Variants in VANGL2 observed in about 807,000 individuals in gnomAD.
VANGL2 encodes the protein VANGL planar cell polarity protein 2.
Under a neutral mutation model 50.2 loss-of-function variants are expected in VANGL2, and 14 were observed. That is an observed-to-expected ratio of 0.28 (90% CI 0.18 to 0.44). The LOEUF is 0.44. Among genes scored for constraint, VANGL2 ranks in the 20% least tolerant of loss-of-function variants. The probability of loss-of-function intolerance (pLI) is 1.00; values close to 1 mark genes in which losing one functional copy is unlikely to be tolerated. For missense variants in VANGL2, 533 were observed against 701.5 expected (o/e 0.76, Z 2.71); for synonymous variants, 295 against 297.2 (o/e 0.99, Z 0.08).
At chr1:160,420,961 G>T in intron 5 of VANGL2, 91 bp from the exon 6 acceptor site, 1 of 1,572,320 alleles carries the variant, frequency 6.4e-7, no homozygotes, top group Non-Finnish European at 8.7e-7. Flanking sequence ...GCTTCTTCTG[G>T]ACATGTCAGG....
intron 1 of VANGL2, among the ~76,000 whole-genome samples, chr1:160,411,815 A>T (rs945796572): frequency 4.9e-4 from 75 of 152,018 alleles, no homozygotes; most frequent in African/African-American, 1.7e-3. Flanking sequence ...GGGAAATGAA[A>T]TGGCATCAGT....
At position 160,428,622 on chromosome 1, in the gene VANGL2, T is replaced by G. The variant is rs1412116048; in HGVS notation, c.*3244T>G. On this transcript the variant is annotated 3_prime_UTR_variant, in exon 8 of 8. Transcript: ENST00000368061. ...GGATTTTTTTCTTAAACATAGGAAC[T>G]AAAACTGTACAAATTTTTTTTATAT... 6.6e-6 allele frequency: 1 copy of G among 152,634 alleles called. No individual in the cohort carries two copies. Among genetic ancestry groups the G allele is most frequent in the Non-Finnish European group, 1.5e-5 (1 of 68,032 alleles). The allele number at this position is 152,634 out of a possible 1,614,324, so 9.5% of individuals were successfully genotyped here.
intron 1 of VANGL2, among the ~76,000 whole-genome samples, chr1:160,415,223 C>A (rs998264624): frequency 1.3e-5 from 2 of 152,158 alleles, no homozygotes; most frequent in African/African-American, 4.8e-5. Context: ...CCTGGGGTAG[C>A]CCCTGGACAG....
chr1:160,406,446 G>A (rs1261277011), intron 1 of VANGL2, among the ~76,000 whole-genome samples: 5 of 152,172 alleles, frequency 3.3e-5, no homozygotes, highest in African/African-American at 4.8e-5. Flanking sequence ...AGCCTGGGGC[G>A]GGGCCAGCAT....
chr1:160,410,867 C>G (rs1650860399), intron 1 of VANGL2, among the ~76,000 whole-genome samples: 1 of 152,046 alleles, frequency 6.6e-6, no homozygotes, highest in Non-Finnish European at 1.5e-5. Context: ...CTCCTCTGTC[C>G]CTATTGCCCC....
chr1:160,407,070 A>G (rs1650699907), intron 1 of VANGL2, among the ~76,000 whole-genome samples: 1 of 152,188 alleles, frequency 6.6e-6, no homozygotes, highest in Non-Finnish European at 1.5e-5. Flanking sequence ...TTAGATAGGA[A>G]CAGGTGCTGA....
At chr1:160,405,001 G>C (rs1650602365) in intron 1 of VANGL2, among the ~76,000 whole-genome samples, 1 of 152,144 alleles carries the variant, frequency 6.6e-6, no homozygotes, top group African/African-American at 2.4e-5. Context: ...GGTAGAGTTG[G>C]AGGTATTAGG....
chr1:160,406,547 TC>T (rs1422528945), intron 1 of VANGL2, among the ~76,000 whole-genome samples: 2 of 152,114 alleles, frequency 1.3e-5, no homozygotes, highest in Non-Finnish European at 2.9e-5. Flanking sequence ...GACTGTAGGC[TC>T]CGGCCACCAT....
intron 1 of VANGL2, among the ~76,000 whole-genome samples, chr1:160,402,761 GTC>G (rs1650518974): frequency 6.6e-6 from 1 of 151,968 alleles, no homozygotes; most frequent in African/African-American, 2.4e-5. Context: ...GGAAGTGAAT[GTC>G]TCTTTCCACC....
chr1:160,423,999 G>A, intron 6 of VANGL2, 53 bp from the exon 7 acceptor site: 2 of 1,594,208 alleles, frequency 1.3e-6, no homozygotes, highest in African/African-American at 1.3e-5. Context: ...GGAGAGGGGT[G>A]GGGTGGGGGA....
rs574127533 is a variant in VANGL2 at position 160,416,082 on chromosome 1, G to A, written c.92G>A (p.Arg31His). Reference protein sequence around the residue: ...RKHRDRRDRHRSKSRDGGRGD... With the variant: ...RKHRDRRDRHHSKSRDGGRGD... The stretch of plus-strand genomic sequence containing the variant: ...CGCAGGGACCGCCGGGACCGACACC[G>A]CTCTAAGAGTCGAGATGGGGGCCGA... Residue 31 changes from arginine to histidine, a missense_variant, in exon 3 of 8, where the codon CGC becomes CAC. Physicochemically the swap from Arg to His is conservative, Grantham distance 29 (BLOSUM62 0). Coordinates refer to ENST00000368061, the MANE Select transcript of VANGL2 (RefSeq NM_020335.3). 5.1e-5 allele frequency: 82 copies of A among 1,614,222 alleles called. No homozygotes were observed. The South Asian group carries it at 6.4e-4, about 13-fold the overall frequency.
chr1:160,402,964 C>G (rs939245945), intron 1 of VANGL2, among the ~76,000 whole-genome samples: 9 of 152,000 alleles, frequency 5.9e-5, no homozygotes, highest in Admixed American at 5.9e-4. Flanking sequence ...CCATTATGGT[C>G]TCTGGGCAAT....
At chr1:160,407,294 A>G (rs940384409) in intron 1 of VANGL2, among the ~76,000 whole-genome samples, 2 of 152,132 alleles carry the variant, frequency 1.3e-5, no homozygotes, top group Non-Finnish European at 2.9e-5. Context: ...CTGGTTTTCT[A>G]GATAAGAACT....
At chr1:160,421,784 G>A (rs1305832715) in intron 6 of VANGL2, among the ~76,000 whole-genome samples, 1 of 152,116 alleles carries the variant, frequency 6.6e-6, no homozygotes, top group Non-Finnish European at 1.5e-5. Flanking sequence ...GCCACAGTGG[G>A]GTAGGGACCC....
chr1:160,412,481 T>C (rs573865844), intron 1 of VANGL2, among the ~76,000 whole-genome samples: 83 of 152,228 alleles, frequency 5.5e-4, no homozygotes, highest in African/African-American at 1.8e-3. Context: ...GTCTAAACTA[T>C]AAGGAGGAGT....
chr1:160,420,937 G>T, intron 5 of VANGL2, 115 bp from the exon 6 acceptor site: 1 of 1,478,642 alleles, frequency 6.8e-7, no homozygotes. Context: ...AGGTATTGCT[G>T]GGTGGTGGGA....
chr1:160,402,568 C>A (rs1650510186), intron 1 of VANGL2, among the ~76,000 whole-genome samples: 1 of 152,098 alleles, frequency 6.6e-6, no homozygotes, highest in African/African-American at 2.4e-5. Context: ...GCAAGTGAGT[C>A]TGTGTGGTTT....
rs1651363334 is a variant in VANGL2, at chr1:160,424,059, G to A, written c.1081G>A (p.Val361Met). 2 of 1,613,922 alleles carry A rather than the reference G, an allele frequency of 1.2e-6. No individual in the cohort carries two copies. The highest frequency in any genetic ancestry group is 2.7e-5 in the African/African-American group (2 of 74,936). ...TCCCCTCCTGTCCCCTAGGCTTGTA[G>A]TGGCGGTGGAGGAGGCCTTCACTCA... ...RVRKRRARLV[V>M]AVEEAFTHIK... is the part of the protein sequence containing the mutation. The change falls in exon 7 of 8, where the codon GTG becomes ATG. Residue 361 changes from valine to methionine, a missense_variant. Transcript: ENST00000368061.
intron 1 of VANGL2, among the ~76,000 whole-genome samples, chr1:160,401,329 G>A (rs568271078): frequency 3.9e-5 from 6 of 152,214 alleles, no homozygotes; most frequent in African/African-American, 1.4e-4. Context: ...GACGGAGGCA[G>A]GTATGCGTTA....
Sources: allele counts gnomAD v4.1 joint callset (sites outside exome capture counted in the v4.1 genomes callset), GRCh38; gene constraint gnomAD v4.1.1; transcripts MANE v1.5; gene names NCBI Gene and HGNC (gene_info 2026-07-23, HGNC 2026-07-21).